Variants in KCNH1 observed in about 807,000 individuals in gnomAD.
The protein encoded by KCNH1 is voltage-gated delayed rectifier potassium channel KCNH1.
A neutral mutation model predicts 69.2 loss-of-function variants in KCNH1; 27 were observed. The observed-to-expected ratio is 0.39, with a 90% CI of 0.29 to 0.54. KCNH1 has a LOEUF of 0.54. Among genes scored for constraint, KCNH1 ranks in the 20% least tolerant of loss-of-function variants. The pLI, the probability that KCNH1 is intolerant of heterozygous loss-of-function variation, is 0.68. For synonymous variants in KCNH1, 456 were observed against 487.7 expected (o/e 0.93, Z 0.86); for missense variants, 798 against 1,261.6 (o/e 0.63, Z 5.57).
At position 210,809,181 on chromosome 1, in the gene KCNH1, A is replaced by G. The variant is rs544551941; in HGVS notation, c.1463-5015T>C. 1.2e-4 allele frequency among the ~76,000 whole-genome samples: 16 copies of G among 132,742 alleles called. 1 individual carries two copies. In the South Asian group the frequency reaches 4.1e-3, roughly 34 times the overall value. The allele number at this position is 132,742 out of a possible 152,430, so 87.1% of individuals were successfully genotyped here. On this transcript the variant is annotated intron_variant, in intron 7 of 10. Coordinates refer to ENST00000271751, the MANE Select transcript of KCNH1 (RefSeq NM_172362.3). The stretch of plus-strand genomic sequence containing the variant: ...TGGAATTTGGCTGGGGAGGTGGGGG[A>G]GGGAGGGAGGGTGTAGCAAAAACAC...
At chr1:210,854,902 C>A (rs770630475) in intron 7 of KCNH1, among the ~76,000 whole-genome samples, 1 of 152,174 alleles carries the variant, frequency 6.6e-6, no homozygotes, top group Admixed American at 6.5e-5. Flanking sequence ...TTGACCTTAG[C>A]CCTGGTTTGA....
At chr1:210,849,160 T>C (rs1248141410) in intron 7 of KCNH1, among the ~76,000 whole-genome samples, 1 of 152,176 alleles carries the variant, frequency 6.6e-6, no homozygotes. Flanking sequence ...AATATACATA[T>C]ACTTGTACAG....
At chr1:210,797,947 T>C (rs1574262615) in intron 8 of KCNH1, among the ~76,000 whole-genome samples, 187 bp from the exon 9 acceptor site, 1 of 152,056 alleles carries the variant, frequency 6.6e-6, no homozygotes, top group Non-Finnish European at 1.5e-5. Flanking sequence ...AAATCTGTGC[T>C]GAATGTTCAG....
intron 5 of KCNH1, among the ~76,000 whole-genome samples, chr1:211,023,407 T>C (rs982924276): frequency 2.0e-5 from 3 of 151,790 alleles, no homozygotes; most frequent in Middle Eastern, 3.4e-3. Flanking sequence ...TAAGTGTCCA[T>C]TGACAGATGA....
rs1035411351 is a variant in KCNH1, at chr1:210,859,207, G to A, written c.1463-55041C>T. On this transcript the variant is annotated intron_variant, in intron 7 of 10. Transcript: ENST00000271751. ...TCCCTGGTACTGGGCCTCCAAAATT[G>A]AAAGAACTTGGCACAACTGGAGCAC... 3.1e-6 allele frequency: 5 copies of A among 1,610,918 alleles called. No homozygotes were observed. In the African/African-American group the frequency reaches 6.7e-5, roughly 22 times the overall value.
chr1:210,689,352 A>G (rs115140560), intron 10 of KCNH1, among the ~76,000 whole-genome samples: 2,576 of 152,290 alleles, frequency 0.017, 35 homozygotes, highest in Middle Eastern at 0.031. Flanking sequence ...GCCTGGTCCT[A>G]GCTAGAGTTT....
At chr1:210,778,924 A>G (rs1470657672) in intron 9 of KCNH1, among the ~76,000 whole-genome samples, 1 of 152,098 alleles carries the variant, frequency 6.6e-6, no homozygotes, top group Non-Finnish European at 1.5e-5. Context: ...GTAAAATAGT[A>G]GCACTGCATG....
chr1:210,796,354 T>C (rs1199712755), intron 9 of KCNH1, among the ~76,000 whole-genome samples: 4 of 152,126 alleles, frequency 2.6e-5, no homozygotes, highest in African/African-American at 7.2e-5. Context: ...TACTGTAAGT[T>C]TAAAATGAGT....
chr1:210,741,310 C>T (rs1295444898), intron 10 of KCNH1, among the ~76,000 whole-genome samples: 1 of 152,078 alleles, frequency 6.6e-6, no homozygotes, highest in African/African-American at 2.4e-5. Flanking sequence ...GAAACTGAAA[C>T]ACACTGGTAA....
At chr1:210,710,775 A>ACCC (rs34448276) in intron 10 of KCNH1, among the ~76,000 whole-genome samples, 12,607 of 152,166 alleles carry the variant, frequency 0.083, 694 homozygotes, top group Middle Eastern at 0.13. Context: ...TGCTCTGCAC[A>ACCC]GACTCTGTGC....
chr1:211,057,023 C>A (rs113387101), intron 5 of KCNH1, among the ~76,000 whole-genome samples: 2 of 152,276 alleles, frequency 1.3e-5, no homozygotes, highest in African/African-American at 4.8e-5. Context: ...CTCACCCAAA[C>A]AAACTAAGTA....
chr1:210,896,255 T>C (rs994087086), intron 7 of KCNH1, among the ~76,000 whole-genome samples: 1 of 151,856 alleles, frequency 6.6e-6, no homozygotes, highest in Non-Finnish European at 1.5e-5. Context: ...TTCTAAACCA[T>C]AGGTAAGTGA....
intron 5 of KCNH1, among the ~76,000 whole-genome samples, chr1:211,043,475 CA>C (rs778125239): frequency 1.1e-3 from 160 of 151,312 alleles, no homozygotes; most frequent in African/African-American, 3.5e-3. Flanking sequence ...AAATTACCAA[CA>C]AAAAAAAATT....
intron 7 of KCNH1, among the ~76,000 whole-genome samples, chr1:210,828,092 C>T (rs1685071488): frequency 6.6e-6 from 1 of 152,172 alleles, no homozygotes; most frequent in African/African-American, 2.4e-5. Flanking sequence ...ATCCACTCTT[C>T]TCAGCCTCCC....
intron 5 of KCNH1, among the ~76,000 whole-genome samples, chr1:211,037,638 T>C (rs1170787939): frequency 2.0e-5 from 3 of 152,078 alleles, no homozygotes; most frequent in African/African-American, 7.2e-5. Context: ...ACTGTGGACC[T>C]TCTCCAGGAC....
At chr1:210,806,834 A>ATATATATAT (rs1684584583) in intron 7 of KCNH1, among the ~76,000 whole-genome samples, 9 of 67,734 alleles carry the variant, frequency 1.3e-4, no homozygotes, top group African/African-American at 4.9e-4. Context: ...AAAAAAAAAA[A>ATATATATAT]AAATATATAT....
intron 10 of KCNH1, among the ~76,000 whole-genome samples, chr1:210,715,810 A>G (rs1682218740): frequency 6.6e-6 from 1 of 151,884 alleles, no homozygotes; most frequent in Non-Finnish European, 1.5e-5. Flanking sequence ...TCAACCAACA[A>G]CCTCTGGGAG....
intron 6 of KCNH1, among the ~76,000 whole-genome samples, chr1:210,949,487 T>C (rs927600269): frequency 1.3e-5 from 2 of 152,230 alleles, no homozygotes; most frequent in Non-Finnish European, 2.9e-5. Flanking sequence ...TAGTTGTTGT[T>C]GTTTTAACAC....
At chr1:210,925,998 C>T (rs931937261) in intron 6 of KCNH1, among the ~76,000 whole-genome samples, 5 of 152,222 alleles carry the variant, frequency 3.3e-5, no homozygotes, top group African/African-American at 1.2e-4. Context: ...CAACCTCACA[C>T]CTGTAATCCC....
Sources: gnomAD v4.1 joint callset for allele counts (sites outside exome capture counted in the v4.1 genomes callset) on GRCh38, gnomAD v4.1.1 for gene constraint, MANE v1.5 for transcripts, NCBI Gene and HGNC (gene_info 2026-07-23, HGNC 2026-07-21) for gene names.